VWA3B: variants seen among roughly 807,000 people sequenced by gnomAD.
VWA3B encodes von Willebrand factor A domain-containing protein 3B.
VWA3B carries 138 observed loss-of-function variants against 158.3 expected under a neutral mutation model. That is an observed-to-expected ratio of 0.87 (90% CI 0.76 to 1.00). The LOEUF (loss-of-function observed/expected upper bound fraction) is 1.00, where lower values mean the gene tolerates loss of function less well. VWA3B is among the 50% of genes least tolerant of loss of function. The pLI is 0.00. For synonymous variants in VWA3B, 596 were observed against 587.3 expected (o/e 1.01, Z -0.21); for missense variants, 1,555 against 1,565.1 (o/e 0.99, Z 0.11).
At chr2:98,213,913 G>A (rs1683753856) in intron 13 of VWA3B, among the ~76,000 whole-genome samples, 1 of 152,142 alleles carries the variant, frequency 6.6e-6, no homozygotes, top group African/African-American at 2.4e-5. Context: ...AAATGTGGTT[G>A]GGTGGGGAGG....
chr2:98,295,993 T>A (rs1455969460), intron 23 of VWA3B, among the ~76,000 whole-genome samples: 1 of 152,166 alleles, frequency 6.6e-6, no homozygotes, highest in Non-Finnish European at 1.5e-5. Context: ...ACAGAGATTA[T>A]ACAAAGAAGG....
rs1691009267 is a variant in VWA3B at position 98,313,224 on chromosome 2, G to A, written c.*875G>A. On this transcript the variant is annotated 3_prime_UTR_variant, in exon 28 of 28. Transcript: ENST00000477737. ...AAAAGTGGCATTCACATTCCTGAAA[G>A]CTAGGAGTAGCCAGGGTTATGGTGA... 1 of 151,744 alleles carries A rather than the reference G, an allele frequency of 6.6e-6. No individual in the cohort carries two copies. Among genetic ancestry groups the A allele is most frequent in the Non-Finnish European group, 1.5e-5 (1 of 67,998 alleles). 9.4% of individuals were successfully genotyped at this position (151,744 alleles called of 1,614,324 possible). A position where few individuals can be genotyped will look rare whatever the true frequency, so the allele number is the denominator to read the frequency against.
intron 19 of VWA3B, among the ~76,000 whole-genome samples, chr2:98,244,398 AT>A (rs142740656): frequency 0.039 from 5,908 of 152,206 alleles, 169 homozygotes; most frequent in Middle Eastern, 0.075. Flanking sequence ...TTCTTTTATC[AT>A]TTGTGAATAG....
chr2:98,122,418 C>T (rs751447599), intron 5 of VWA3B, among the ~76,000 whole-genome samples: 6 of 152,172 alleles, frequency 3.9e-5, no homozygotes, highest in African/African-American at 1.2e-4. Context: ...CAGTGGTCAC[C>T]GGCCTGTGTT....
intron 10 of VWA3B, among the ~76,000 whole-genome samples, chr2:98,190,120 G>A (rs982702258): frequency 6.6e-6 from 1 of 151,728 alleles, no homozygotes; most frequent in African/African-American, 2.4e-5. Flanking sequence ...CCTTTTTACT[G>A]GTTTTTTGCC....
At chr2:98,104,987 T>G (rs1266726809) in intron 2 of VWA3B, among the ~76,000 whole-genome samples, 1 of 152,194 alleles carries the variant, frequency 6.6e-6, no homozygotes, top group South Asian at 2.1e-4. Flanking sequence ...ATCTCACAAT[T>G]CAGAGTCATA....
Position 98,216,986 on chromosome 2 carries a change from G to GCCC in VWA3B, c.1837-858_1837-856dup, listed in dbSNP as rs377332244. The GCCC allele has an allele frequency of 7.7e-5, 98 of 1,265,386 alleles. 6 individuals are homozygous for GCCC. In the South Asian group the frequency reaches 1.1e-3, roughly 14 times the overall value. 78.4% of individuals were successfully genotyped at this position (1,265,386 alleles called of 1,614,324 possible). On this transcript the variant is annotated intron_variant, in intron 13 of 27. Transcript: ENST00000477737. ...GTCATGTGTATCATTGTAAGCACCC[G>GCCC]CCCCGCACCCAGTCTCAGGTGGTCC...
chr2:98,295,697 A>G (rs919966812), intron 23 of VWA3B, among the ~76,000 whole-genome samples: 2 of 152,240 alleles, frequency 1.3e-5, no homozygotes, highest in African/African-American at 4.8e-5. Context: ...GAGATTTCAG[A>G]GCTGGGAGAC....
intron 22 of VWA3B, among the ~76,000 whole-genome samples, chr2:98,280,691 T>C (rs1558757746): frequency 6.6e-6 from 1 of 152,254 alleles, no homozygotes; most frequent in African/African-American, 2.4e-5. Flanking sequence ...TGTTACTGGC[T>C]GTGTGTTTTC....
At chr2:98,109,900 A>G (rs535556129) in intron 2 of VWA3B, among the ~76,000 whole-genome samples, 4 of 151,110 alleles carry the variant, frequency 2.6e-5, no homozygotes, top group East Asian at 1.9e-4. Context: ...CCCTATTGAT[A>G]TATGCTTTAA....
intron 9 of VWA3B, 31 bp downstream of exon 9, chr2:98,181,243 G>C (rs1297494287): frequency 2.7e-5 from 44 of 1,604,484 alleles, no homozygotes; most frequent in Non-Finnish European, 3.6e-5. Flanking sequence ...GGAGGGGCTG[G>C]GGCCTCCCCT....
chr2:98,113,287 G>A (rs1283253867), intron 2 of VWA3B, among the ~76,000 whole-genome samples: 2 of 151,978 alleles, frequency 1.3e-5, no homozygotes, highest in Non-Finnish European at 2.9e-5. Flanking sequence ...ATATGCAAAC[G>A]ATTGTTTCCA....
intron 1 of VWA3B, among the ~76,000 whole-genome samples, chr2:98,092,160 G>A (rs1004068180): frequency 4.6e-5 from 7 of 152,144 alleles, no homozygotes; most frequent in African/African-American, 7.2e-5. Flanking sequence ...GTTCCCAACC[G>A]CCACCAGCTC....
chr2:98,290,026 G>A (rs962132), intron 22 of VWA3B, among the ~76,000 whole-genome samples: 1 of 152,128 alleles, frequency 6.6e-6, no homozygotes, highest in Non-Finnish European at 1.5e-5. Context: ...TCTATAATGT[G>A]ATTCTCAATA....
chr2:98,326,106 C>T, the VWA3B span, among the ~76,000 whole-genome samples: 17 of 152,046 alleles, frequency 1.1e-4, no homozygotes, highest in Admixed American at 3.3e-4. Flanking sequence ...AAGAAGAAAT[C>T]GCAAGGTAAA....
At chr2:98,095,399 G>T (rs1040304331) in intron 2 of VWA3B, among the ~76,000 whole-genome samples, 1 of 152,066 alleles carries the variant, frequency 6.6e-6, no homozygotes, top group Non-Finnish European at 1.5e-5. Context: ...AAATGGAATG[G>T]TTTCCTTTTA....
At chr2:98,115,612 T>C (rs1482044547) in intron 2 of VWA3B, 40 bp from the exon 3 acceptor site, 13 of 1,497,496 alleles carry the variant, frequency 8.7e-6, no homozygotes, top group African/African-American at 1.4e-5. Context: ...GGTTCACTCA[T>C]GTACTACTGT....
In VWA3B at chr2:98,236,480, G is replaced by A. The variant is rs771771852; in HGVS notation, c.2516+3G>A. 1.5e-5 allele frequency: 24 copies of A among 1,614,182 alleles called. No individual in the cohort carries two copies. Among genetic ancestry groups the A allele is most frequent in the Non-Finnish European group, 2.0e-5 (24 of 1,180,010 alleles). Reference sequence around the variant, plus strand: ...GGAAGCCAGGTTTATGACCACGAGTGAGTTCTTTAATTTGACAAAGACAGT... The same window carrying A: ...GGAAGCCAGGTTTATGACCACGAGTAAGTTCTTTAATTTGACAAAGACAGT... On this transcript the variant is annotated splice_donor_region_variant and intron_variant, in intron 18 of 27. Coordinates refer to ENST00000477737, the MANE Select transcript of VWA3B (RefSeq NM_144992.5).
At chr2:98,318,204 A>G (rs1691128052), downstream of VWA3B, among the ~76,000 whole-genome samples, 1 of 152,232 alleles carries the variant, frequency 6.6e-6, no homozygotes, top group Admixed American at 6.5e-5. Flanking sequence ...AATTTGACCC[A>G]GCAATCCCAT....
Sources: allele counts gnomAD v4.1 joint callset (sites outside exome capture counted in the v4.1 genomes callset), GRCh38; gene constraint gnomAD v4.1.1; transcripts MANE v1.5; gene names NCBI Gene and HGNC (gene_info 2026-07-23, HGNC 2026-07-21).